TRAK1: variants seen among roughly 807,000 people sequenced by gnomAD.
TRAK1 encodes the protein trafficking kinesin-binding protein 1.
Under a neutral mutation model 92.1 loss-of-function variants are expected in TRAK1, and 33 were observed. The observed-to-expected ratio is 0.36, with a 90% CI of 0.27 to 0.48. The LOEUF (loss-of-function observed/expected upper bound fraction) is 0.48. Ranked by LOEUF, TRAK1 falls within the 20% of genes least tolerant of loss-of-function variation. The pLI, the probability that TRAK1 is intolerant of heterozygous loss-of-function variation, is 0.99. For missense variants in TRAK1, 1,123 were observed against 1,257.9 expected (o/e 0.89, Z 1.62); for synonymous variants, 521 against 517.3 (o/e 1.01, Z -0.10).
chr3:42,076,671 T>C (rs1704176753), intron 1 of TRAK1, among the ~76,000 whole-genome samples: 1 of 152,228 alleles, frequency 6.6e-6, no homozygotes, highest in South Asian at 2.1e-4. Context: ...TTTGTTGTAA[T>C]TGGTTTTAGA....
At chr3:42,144,045 TA>T (rs1408193992) in intron 2 of TRAK1, among the ~76,000 whole-genome samples, 2 of 152,218 alleles carry the variant, frequency 1.3e-5, no homozygotes, top group East Asian at 3.8e-4. Context: ...GCTTTGGACT[TA>T]ATTCAAGCTG....
chr3:42,165,811 G>A lies in TRAK1; in HGVS notation c.287-11003G>A, dbSNP rs577640430. ...TGTCCTTGTCTCCGCTTGGGATTTG[G>A]TCCTCAGTATCCATGGCTACCCCAC... On this transcript the variant is annotated intron_variant, in intron 2 of 15. Transcript: ENST00000327628. Among the ~76,000 whole-genome samples the A allele has an allele frequency of 1.4e-4, 22 of 152,140 alleles. 1 individual carries two copies. The highest frequency in any genetic ancestry group is 7.4e-5 in the Non-Finnish European group (5 of 68,010).
intron 13 of TRAK1, chr3:42,204,054 T>G: frequency 7.1e-6 from 7 of 984,978 alleles, no homozygotes; most frequent in Non-Finnish European, 8.4e-6. Context: ...AATTGTATAA[T>G]TGGGGTCTTT....
intron 15 of TRAK1, chr3:42,220,410 T>C (rs777206562): frequency 3.7e-5 from 32 of 871,090 alleles, no homozygotes; most frequent in Non-Finnish European, 4.4e-5. Flanking sequence ...TCCTCTGTGG[T>C]GTAAGATGCT....
At chr3:42,115,469 G>A (rs763626410) in intron 1 of TRAK1, among the ~76,000 whole-genome samples, 24 of 152,122 alleles carry the variant, frequency 1.6e-4, no homozygotes, top group Non-Finnish European at 3.5e-4. Flanking sequence ...GTCTCTGTGC[G>A]ACTGCTTCTT....
chr3:42,166,871 C>T (rs1243692080), intron 2 of TRAK1, among the ~76,000 whole-genome samples: 1 of 152,216 alleles, frequency 6.6e-6, no homozygotes, highest in African/African-American at 2.4e-5. Context: ...AGGCACCACA[C>T]AGACATGGGT....
chr3:42,223,275 G>C lies in TRAK1; in HGVS notation c.2400G>C (p.Lys800Asn), dbSNP rs1300894502. 1 of 1,614,204 alleles carries C rather than the reference G, an allele frequency of 6.2e-7. No homozygotes were observed. The highest frequency in any genetic ancestry group is 8.5e-7 in the Non-Finnish European group (1 of 1,180,028). Reference protein sequence around the residue: ...PTSSPPSFEFKCTSPPYDNFL... With the variant: ...PTSSPPSFEFNCTSPPYDNFL... ...CCTCCCCACCCTCCTTTGAGTTCAAGTGCACGAGCCCTCCCTACGACAATT... is the reference window on the plus strand; with the variant it reads ...CCTCCCCACCCTCCTTTGAGTTCAACTGCACGAGCCCTCCCTACGACAATT... Residue 800 changes from lysine to asparagine, a missense_variant, in exon 16 of 16, where the codon AAG becomes AAC. Coordinates refer to ENST00000327628, the MANE Select transcript of TRAK1 (RefSeq NM_001042646.3). The surrounding 1 kb of genome is among the most constrained non-coding windows in gnomAD (Gnocchi z 6.1).
chr3:42,138,163 C>A (rs1450468112), intron 2 of TRAK1, among the ~76,000 whole-genome samples: 1 of 152,182 alleles, frequency 6.6e-6, no homozygotes, highest in East Asian at 1.9e-4. Flanking sequence ...GTAGGAACAT[C>A]TTATAAGTAT....
chr3:42,049,271 C>T (rs1487186627), intron 1 of TRAK1, among the ~76,000 whole-genome samples: 1 of 152,130 alleles, frequency 6.6e-6, no homozygotes, highest in African/African-American at 2.4e-5. Flanking sequence ...CTTTTAACCA[C>T]CTGTTGTTAA....
At chr3:42,210,062 G>T (rs1708815782) in intron 14 of TRAK1, 77 bp downstream of exon 14, 1 of 1,611,940 alleles carries the variant, frequency 6.2e-7, no homozygotes, top group African/African-American at 1.3e-5. Flanking sequence ...CCCCAGAGGA[G>T]ATGCAGGAGC....
chr3:42,073,946 A>G (rs1269452632), intron 1 of TRAK1, among the ~76,000 whole-genome samples: 1 of 152,188 alleles, frequency 6.6e-6, no homozygotes, highest in East Asian at 1.9e-4. Flanking sequence ...TATTTCATAT[A>G]TGGACTTGAG....
At chr3:42,113,344 TC>T (rs1282770904) in intron 1 of TRAK1, among the ~76,000 whole-genome samples, 3 of 150,376 alleles carry the variant, frequency 2.0e-5, no homozygotes, top group Non-Finnish European at 4.4e-5. Flanking sequence ...TCTACTCTAC[TC>T]CTACTCCTAC....
intron 1 of TRAK1, among the ~76,000 whole-genome samples, chr3:42,092,045 C>T (rs1227000076): frequency 6.6e-6 from 1 of 152,172 alleles, no homozygotes; most frequent in Non-Finnish European, 1.5e-5. Flanking sequence ...AGGTGAAGGA[C>T]AGAGTTAGAC....
intron 2 of TRAK1, among the ~76,000 whole-genome samples, chr3:42,176,142 C>G (rs928546100): frequency 2.6e-5 from 4 of 152,038 alleles, no homozygotes; most frequent in African/African-American, 9.7e-5. Flanking sequence ...TGTGTGCAGC[C>G]TTGTATGACC....
At position 42,184,753 on chromosome 3, in the gene TRAK1, C is replaced by G. The variant is rs11544368; in HGVS notation, c.432C>G (p.Thr144=). The G allele has an allele frequency of 3.2e-5, 52 of 1,613,940 alleles. No homozygotes were observed. The Middle Eastern group carries it at 5.0e-4, about 15-fold the overall frequency. The part of the protein sequence containing the change: ...QSLLKKNKTL[T]ERNELLEEQV... ...TGTTGAAGAAGAACAAGACCCTAACCGAGAGGAACGAGCTGCTGGAGGAGC... is the reference window on the plus strand; with the variant it reads ...TGTTGAAGAAGAACAAGACCCTAACGGAGAGGAACGAGCTGCTGGAGGAGC... Residue 144 remains threonine, a synonymous_variant, in exon 4 of 16, where the codon ACC becomes ACG. Coordinates refer to ENST00000327628, the MANE Select transcript of TRAK1 (RefSeq NM_001042646.3).
intron 1 of TRAK1, among the ~76,000 whole-genome samples, chr3:42,061,240 G>A (rs1482295053): frequency 6.7e-6 from 1 of 150,340 alleles, no homozygotes; most frequent in East Asian, 2.0e-4. Flanking sequence ...TCAAGTGATG[G>A]GTGTGTGTCT....
intron 1 of TRAK1, among the ~76,000 whole-genome samples, chr3:42,021,160 T>C (rs1701707839): frequency 1.3e-5 from 2 of 152,256 alleles, no homozygotes; most frequent in South Asian, 4.1e-4. Context: ...CAATTTGTTA[T>C]GTGTATGACT....
At chr3:42,015,522 C>G (rs1327440924) in intron 1 of TRAK1, among the ~76,000 whole-genome samples, 1 of 152,106 alleles carries the variant, frequency 6.6e-6, no homozygotes, top group Non-Finnish European at 1.5e-5. Flanking sequence ...TGTGACCTTA[C>G]TTAACCTCTC....
At chr3:42,153,546 G>A (rs1015255403) in intron 2 of TRAK1, among the ~76,000 whole-genome samples, 2 of 152,134 alleles carry the variant, frequency 1.3e-5, no homozygotes, top group Non-Finnish European at 2.9e-5. Flanking sequence ...GAATGTTGGG[G>A]TAGGAGGTGG....
Sources: allele counts gnomAD v4.1 joint callset (sites outside exome capture counted in the v4.1 genomes callset), GRCh38; gene constraint gnomAD v4.1.1; non-coding constraint Gnocchi (gnomAD v3.1); transcripts MANE v1.5; gene names NCBI Gene and HGNC (gene_info 2026-07-23, HGNC 2026-07-21).